Variants in CCDC66 observed in about 807,000 individuals in gnomAD.
CCDC66 encodes the protein coiled-coil domain containing 66.
A neutral mutation model predicts 128.3 loss-of-function variants in CCDC66; 133 were observed. The observed-to-expected ratio is 1.04, with a 90% confidence interval of 0.90 to 1.20. The LOEUF (loss-of-function observed/expected upper bound fraction) is 1.20, where lower values mean the gene tolerates loss of function less well. Among genes scored for constraint, CCDC66 ranks in the 50% most tolerant of loss-of-function variants. The probability of loss-of-function intolerance (pLI) is 0.00; values close to 1 mark genes in which losing one functional copy is unlikely to be tolerated. For missense variants in CCDC66, 1,126 were observed against 1,075.5 expected (o/e 1.05, Z -0.66); for synonymous variants, 387 against 357.0 (o/e 1.08, Z -0.95).
chr3:56,609,810 A>T (rs756816261), intron 10 of CCDC66, among the ~76,000 whole-genome samples: 35 of 152,178 alleles, frequency 2.3e-4, no homozygotes, highest in Non-Finnish European at 3.8e-4. Context: ...TTCTCTCAGC[A>T]TTTGTCTGAA....
intron 17 of CCDC66, chr3:56,620,495 T>C (rs1218546043): frequency 3.9e-5 from 6 of 152,292 alleles, no homozygotes; most frequent in South Asian, 2.1e-4. Flanking sequence ...CTATATACTC[T>C]CTGTACTTGA....
At chr3:56,590,616 G>C (rs140510546) in intron 7 of CCDC66, among the ~76,000 whole-genome samples, 1 of 151,922 alleles carries the variant, frequency 6.6e-6, no homozygotes. Flanking sequence ...AAAAATAGCC[G>C]GGTGTGGTGG....
chr3:56,610,534 A>G (rs537021170), intron 10 of CCDC66, among the ~76,000 whole-genome samples: 7 of 152,300 alleles, frequency 4.6e-5, no homozygotes, highest in African/African-American at 1.7e-4. Flanking sequence ...CTCTCTGATT[A>G]GCATAATAAC....
intron 7 of CCDC66, among the ~76,000 whole-genome samples, chr3:56,579,044 CT>C (rs1488558488): frequency 6.6e-6 from 1 of 151,700 alleles, no homozygotes; most frequent in Non-Finnish European, 1.5e-5. Flanking sequence ...TGGTCCTGGA[CT>C]TTTTTTGGTT....
intron 14 of CCDC66, 150 bp downstream of exon 14, chr3:56,617,755 G>T (rs2075700959): frequency 1.1e-6 from 1 of 936,174 alleles, no homozygotes; most frequent in East Asian, 2.6e-5. Context: ...CCAGGCTGCT[G>T]CCTGTTTTTG....
intron 10 of CCDC66, among the ~76,000 whole-genome samples, chr3:56,612,713 C>T (rs1336969919): frequency 1.3e-5 from 2 of 152,074 alleles, no homozygotes; most frequent in African/African-American, 2.4e-5. Flanking sequence ...GGGTGGGTGC[C>T]AGCTGTGATG....
rs2107672223 is a variant in CCDC66 at position 56,557,257 on chromosome 3, A to AGCAGGGGTAT, written c.11+13_11+14insTGCAGGGGTA. ...GAGGTCAGGCCATGAACTTGGGGTA[A>AGCAGGGGTAT]GCAGGGGTAAGCTGGGGTAAGCTGG... On this transcript the variant is annotated splice_donor_region_variant and intron_variant, in intron 1 of 17. Transcript: ENST00000394672. The AGCAGGGGTAT allele has an allele frequency of 6.5e-7, 1 of 1,548,782 alleles. No homozygotes were observed. Among genetic ancestry groups the AGCAGGGGTAT allele is most frequent in the Non-Finnish European group, 8.7e-7 (1 of 1,145,638 alleles).
intron 16 of CCDC66, 53 bp from the exon 17 acceptor site, chr3:56,619,724 T>A (rs2076103076): frequency 1.2e-6 from 2 of 1,602,558 alleles, no homozygotes; most frequent in African/African-American, 2.7e-5. Flanking sequence ...AGCACAGGGC[T>A]ATGTCATTTT....
At chr3:56,560,670 A>G (rs990048789) in intron 3 of CCDC66, among the ~76,000 whole-genome samples, 40 of 152,196 alleles carry the variant, frequency 2.6e-4, no homozygotes, top group African/African-American at 9.4e-4. Flanking sequence ...TAGTGAGCCG[A>G]GATCGCACCA....
intron 7 of CCDC66, among the ~76,000 whole-genome samples, chr3:56,589,770 G>A (rs909907563): frequency 6.6e-6 from 1 of 151,864 alleles, no homozygotes; most frequent in Non-Finnish European, 1.5e-5. Context: ...CTTGATAAAA[G>A]GACTTACATC....
chr3:56,566,952 A>G lies in CCDC66; in HGVS notation c.713A>G (p.Glu238Gly), dbSNP rs199718684. ...SKQCEQKIAI[E>G]NEWKPADIFS... ...TTATCTTTTGTGTTTTACCTTAGAG[A>G]GAATGAATGGAAACCAGCTGATATA... Residue 238 changes from glutamate (E) to glycine (G), a missense_variant and splice_region_variant, in exon 6 of 18, where the codon GAG (glutamate) becomes GGG (glycine). Glu to Gly is a moderately conservative substitution (Grantham distance 98). Coordinates refer to ENST00000394672, the MANE Select transcript of CCDC66 (RefSeq NM_001141947.3). The G allele has an allele frequency of 4.3e-6, 7 of 1,611,954 alleles. No homozygotes were observed. The highest frequency in any genetic ancestry group is 1.3e-5 in the African/African-American group (1 of 74,952).
At chr3:56,619,593 T>A (rs1394516169) in intron 16 of CCDC66, 66 bp downstream of exon 16, 25 of 1,521,140 alleles carry the variant, frequency 1.6e-5, no homozygotes, top group Non-Finnish European at 2.2e-5. Context: ...TCAACAACTT[T>A]AAATTCCAAA....
chr3:56,603,899 C>T (rs2073651271), intron 10 of CCDC66, among the ~76,000 whole-genome samples: 1 of 152,000 alleles, frequency 6.6e-6, no homozygotes, highest in Non-Finnish European at 1.5e-5. Flanking sequence ...TAAAGTCTCC[C>T]ATTATCATTG....
intron 4 of CCDC66, among the ~76,000 whole-genome samples, chr3:56,565,678 G>A (rs9755338): frequency 1.4e-4 from 21 of 150,196 alleles, no homozygotes; most frequent in African/African-American, 4.4e-4. Flanking sequence ...GTCTCGCTGC[G>A]TCGCCCAGGC....
At chr3:56,562,150 C>T (rs1423024769) in intron 3 of CCDC66, among the ~76,000 whole-genome samples, 2 of 151,680 alleles carry the variant, frequency 1.3e-5, no homozygotes, top group Admixed American at 1.3e-4. Context: ...AAGGGATCCT[C>T]CTGCCTCAGC....
Position 56,617,377 on chromosome 3 carries a change from G to T in CCDC66, c.2109G>T (p.Trp703Cys), listed in dbSNP as rs1559777385. 4 of 1,613,562 alleles carry T rather than the reference G, an allele frequency of 2.5e-6. No homozygotes were observed. In the African/African-American group the frequency reaches 5.3e-5, roughly 22 times the overall value. Residue 703 changes from tryptophan to cysteine, a missense_variant, in exon 14 of 18, where the codon TGG becomes TGT. Physicochemically the swap from Trp to Cys is radical, Grantham distance 215. Coordinates refer to ENST00000394672, the MANE Select transcript of CCDC66 (RefSeq NM_001141947.3). ...AGAAATATCCTAAAAGGCCTGATTG[G>T]AATATAAATAAGCCACCTAAAAGGT... ...HMKKYPKRPD[W>C]NINKPPKRYI...
chr3:56,610,222 T>G (rs545800761), intron 10 of CCDC66, among the ~76,000 whole-genome samples: 2 of 152,302 alleles, frequency 1.3e-5, no homozygotes, highest in South Asian at 2.1e-4. Flanking sequence ...ATTCTTAGGT[T>G]TGGTCATCCG....
At position 56,593,478 on chromosome 3, in the gene CCDC66, T is replaced by C. The variant is rs201594124; in HGVS notation, c.1069-13T>C. On this transcript the variant is annotated splice_polypyrimidine_tract_variant and intron_variant, in intron 8 of 17. Coordinates refer to ENST00000394672, the MANE Select transcript of CCDC66 (RefSeq NM_001141947.3). ...TGGAAAAATTCTTAGCAATTCTTATTTGTCATCATTAGGGTGAGGAACATG... is the reference window on the plus strand; with the variant it reads ...TGGAAAAATTCTTAGCAATTCTTATCTGTCATCATTAGGGTGAGGAACATG... The C allele has an allele frequency of 3.1e-6, 5 of 1,606,704 alleles. No homozygotes were observed. In the East Asian group the frequency reaches 8.9e-5, roughly 29 times the overall value.
intron 7 of CCDC66, among the ~76,000 whole-genome samples, chr3:56,571,856 C>CT (rs1392259364): frequency 2.0e-5 from 3 of 152,008 alleles, no homozygotes; most frequent in Non-Finnish European, 2.9e-5. Flanking sequence ...ATGGCTGGTA[C>CT]TACAGGTGTA....
Sources: allele counts gnomAD v4.1 joint callset (sites outside exome capture counted in the v4.1 genomes callset), GRCh38; gene constraint gnomAD v4.1.1; transcripts MANE v1.5; gene names NCBI Gene and HGNC (gene_info 2026-07-23, HGNC 2026-07-21).